Variants in ZBTB20 observed in about 807,000 individuals in gnomAD.
The protein encoded by ZBTB20 is zinc finger and BTB domain-containing protein 20.
Under a neutral mutation model 56.9 loss-of-function variants are expected in ZBTB20, and 9 were observed. The observed-to-expected ratio is 0.16, with a 90% CI of 0.10 to 0.28. The LOEUF is 0.28. ZBTB20 is among the 10% of genes least tolerant of loss of function. The pLI, the probability that ZBTB20 is intolerant of heterozygous loss-of-function variation, is 1.00. For missense variants in ZBTB20, 655 were observed against 1,003.0 expected (o/e 0.65, Z 4.69); for synonymous variants, 417 against 420.7 (o/e 0.99, Z 0.11).
chr3:114,667,762 T>C (rs2061138968), intron 6 of ZBTB20, among the ~76,000 whole-genome samples: 1 of 152,064 alleles, frequency 6.6e-6, no homozygotes, highest in Admixed American at 6.6e-5. Flanking sequence ...AAGAAATGTA[T>C]ACTTTTTTGA....
At chr3:114,885,923 T>C (rs893670196) in intron 4 of ZBTB20, among the ~76,000 whole-genome samples, 6 of 152,220 alleles carry the variant, frequency 3.9e-5, no homozygotes, top group African/African-American at 1.4e-4. Flanking sequence ...TAATTATCTA[T>C]GTTTAAAATT....
In ZBTB20 at chr3:114,339,133, G is replaced by C; in HGVS notation, c.2098C>G (p.Arg700Gly). 1.9e-6 allele frequency: 3 copies of C among 1,612,576 alleles called. No individual in the cohort carries two copies. Among genetic ancestry groups the C allele is most frequent in the Non-Finnish European group, 2.5e-6 (3 of 1,178,894 alleles). Reference protein sequence around the residue: ...TPPAGTPPGARAGPPGVVACT... With the variant: ...TPPAGTPPGAGAGPPGVVACT... ...GCCACCACGCCTGGGGGGCCAGCGC[G>C]GGCACCTGGGGGTGTGCCTGCAGGG... The change falls in exon 12 of 12, where the codon CGC (arginine) becomes GGC (glycine). Residue 700 changes from arginine (R) to glycine (G), a missense_variant. Arg to Gly is a moderately radical substitution (Grantham distance 125). This residue lies in a region of ZBTB20 where 89 missense variants were observed against 79.7 expected (regional missense o/e 1.12). Transcript: ENST00000675478. This position sits in a 1 kb window ranked among gnomAD's most constrained non-coding sequence, Gnocchi z 4.2.
At chr3:114,923,939 C>T (rs1390926009) in intron 3 of ZBTB20, among the ~76,000 whole-genome samples, 1 of 151,904 alleles carries the variant, frequency 6.6e-6, no homozygotes, top group Non-Finnish European at 1.5e-5. Flanking sequence ...CCAAAGAAGG[C>T]ATACAAATGG....
chr3:114,617,118 A>C (rs999404499), intron 6 of ZBTB20, among the ~76,000 whole-genome samples: 2 of 152,162 alleles, frequency 1.3e-5, no homozygotes, highest in Non-Finnish European at 2.9e-5. Context: ...CTTGTATCAC[A>C]CAATTTCATC....
intron 5 of ZBTB20, among the ~76,000 whole-genome samples, chr3:114,765,359 G>A (rs1277968800): frequency 6.6e-6 from 1 of 152,108 alleles, no homozygotes; most frequent in Non-Finnish European, 1.5e-5. Flanking sequence ...TATGCCTGTA[G>A]AGAAAGGGGA....
intron 6 of ZBTB20, among the ~76,000 whole-genome samples, chr3:114,609,297 A>C (rs910897191): frequency 1.3e-5 from 2 of 152,222 alleles, no homozygotes; most frequent in African/African-American, 4.8e-5. Context: ...GAAGAAAAGA[A>C]TGGTCTATGC....
chr3:114,435,373 T>C (rs2090448911), intron 7 of ZBTB20, among the ~76,000 whole-genome samples: 1 of 152,214 alleles, frequency 6.6e-6, no homozygotes, highest in South Asian at 2.1e-4. Flanking sequence ...TTGATCTTCA[T>C]ACCAACTACG....
intron 7 of ZBTB20, among the ~76,000 whole-genome samples, chr3:114,473,014 T>C (rs747085625): frequency 6.6e-6 from 1 of 152,194 alleles, no homozygotes; most frequent in Non-Finnish European, 1.5e-5. Flanking sequence ...GAAATGCTTA[T>C]ATATACAACC....
At chr3:114,466,577 C>T (rs1312280646) in intron 7 of ZBTB20, among the ~76,000 whole-genome samples, 1 of 152,172 alleles carries the variant, frequency 6.6e-6, no homozygotes, top group Non-Finnish European at 1.5e-5. Context: ...TGTGGAAATT[C>T]CTCACATTTG....
chr3:114,634,239 C>T (rs1237268652), intron 6 of ZBTB20, among the ~76,000 whole-genome samples: 1 of 152,092 alleles, frequency 6.6e-6, no homozygotes, highest in Non-Finnish European at 1.5e-5. Flanking sequence ...TAAAGATCTG[C>T]CACTGAAAAT....
intron 7 of ZBTB20, among the ~76,000 whole-genome samples, chr3:114,426,031 T>A (rs554997398): frequency 1.8e-4 from 28 of 152,220 alleles, no homozygotes; most frequent in Non-Finnish European, 3.4e-4. Context: ...ACATTGTACC[T>A]AGGATATGAA....
At chr3:114,883,449 G>A (rs377305576) in intron 4 of ZBTB20, among the ~76,000 whole-genome samples, 17 of 152,238 alleles carry the variant, frequency 1.1e-4, no homozygotes, top group African/African-American at 3.9e-4. Flanking sequence ...CCACAACCAC[G>A]AAGCTGACTT....
intron 7 of ZBTB20, among the ~76,000 whole-genome samples, chr3:114,443,189 G>A (rs1307969763): frequency 6.6e-6 from 1 of 152,154 alleles, no homozygotes; most frequent in Admixed American, 6.6e-5. Flanking sequence ...ATATATGGCT[G>A]AAGAGGGAAT....
chr3:115,109,906 G>C (rs1401461134), intron 1 of ZBTB20, among the ~76,000 whole-genome samples: 1 of 152,162 alleles, frequency 6.6e-6, no homozygotes, highest in Non-Finnish European at 1.5e-5. Flanking sequence ...GAACCAGTTT[G>C]ATTAAAGAGT....
At chr3:114,578,605 T>C (rs2054328736) in intron 6 of ZBTB20, among the ~76,000 whole-genome samples, 2 of 151,846 alleles carry the variant, frequency 1.3e-5, no homozygotes, top group Admixed American at 6.6e-5. Flanking sequence ...TAAAAACAGA[T>C]TGATAGATTT....
At chr3:114,562,631 T>C (rs1161472492) in intron 6 of ZBTB20, among the ~76,000 whole-genome samples, 1 of 152,240 alleles carries the variant, frequency 6.6e-6, no homozygotes, top group Non-Finnish European at 1.5e-5. Context: ...GCTTTCAGCC[T>C]TTCTGGGCCT....
intron 10 of ZBTB20, among the ~76,000 whole-genome samples, chr3:114,375,536 A>C (rs951376203): frequency 6.6e-6 from 1 of 152,222 alleles, no homozygotes; most frequent in African/African-American, 2.4e-5. Context: ...TAAGCCTATA[A>C]GTTTTTACAG....
chr3:114,703,514 T>C (rs2063521796), intron 5 of ZBTB20, among the ~76,000 whole-genome samples: 1 of 149,640 alleles, frequency 6.7e-6, no homozygotes, highest in Admixed American at 6.7e-5. Flanking sequence ...TTTTTTTTTA[T>C]TCAAATAGCA....
chr3:114,813,594 T>C (rs2072710675), intron 4 of ZBTB20, among the ~76,000 whole-genome samples: 1 of 151,992 alleles, frequency 6.6e-6, no homozygotes, highest in South Asian at 2.1e-4. Context: ...GTACAGAAAA[T>C]GCAAAAATTA....
Sources: gnomAD v4.1 joint callset for allele counts (sites outside exome capture counted in the v4.1 genomes callset) on GRCh38, gnomAD v4.1.1 for gene constraint, gnomAD v4.1.1 regional missense constraint, Gnocchi (gnomAD v3.1) non-coding constraint, MANE v1.5 for transcripts, NCBI Gene and HGNC (gene_info 2026-07-23, HGNC 2026-07-21) for gene names.